Variants in PRCD observed in about 807,000 individuals in gnomAD.
The protein encoded by PRCD is photoreceptor disk component PRCD.
In PRCD, 12 loss-of-function variants were observed where a neutral mutation model predicts 10.1. The ratio of observed to expected loss-of-function variants is 1.18; its 90% CI spans 0.76 to 1.92. The LOEUF is 1.92. Ranked by LOEUF, PRCD falls within the 40% of genes most tolerant of loss-of-function variation. The pLI is 0.00. For synonymous variants in PRCD, 31 were observed against 26.2 expected, an observed-to-expected ratio of 1.18 and a Z score of -0.56; for missense variants, 61 against 72.2, an observed-to-expected ratio of 0.84 and a Z score of 0.56.
At chr17:76,534,122 C>T (rs138925195) in intron 1 of PRCD, among the ~76,000 whole-genome samples, 1,743 of 147,416 alleles carry the variant, frequency 0.012, 45 homozygotes, top group African/African-American at 0.04. Context: ...TTCTTTCTTT[C>T]TTTCTTTCTC....
chr17:76,542,802 GC>G (rs2075007571), intron 3 of PRCD, among the ~76,000 whole-genome samples, 169 bp downstream of exon 3: 1 of 152,238 alleles, frequency 6.6e-6, no homozygotes, highest in African/African-American at 2.4e-5. Flanking sequence ...GCTACCTTGA[GC>G]CTGTTGTGGT....
At chr17:76,529,903 T>C (rs899750377) in intron 1 of PRCD, 1 of 985,168 alleles carries the variant, frequency 1.0e-6, no homozygotes, top group Non-Finnish European at 1.2e-6. Context: ...GGGGTGGTGC[T>C]GACGGGAGAG....
upstream of PRCD, among the ~76,000 whole-genome samples, chr17:76,535,626 C>T (rs1429965282): frequency 2.0e-5 from 3 of 152,132 alleles, no homozygotes; most frequent in Non-Finnish European, 4.4e-5. Context: ...GTAATGACCT[C>T]CCCCAGCCCA....
intron 1 of PRCD, chr17:76,532,190 C>G (rs1379891124): frequency 6.3e-6 from 1 of 159,638 alleles, no homozygotes; most frequent in East Asian, 1.8e-4. Context: ...ACCGGGCATT[C>G]CAGACTTCTG....
chr17:76,531,913 C>T lies in PRCD; in HGVS notation n.45+4080C>T. 1 of 490,632 alleles carries T rather than the reference C, an allele frequency of 2.0e-6. No individual in the cohort carries two copies. Among genetic ancestry groups the T allele is most frequent in the Non-Finnish European group, 3.7e-6 (1 of 272,744 alleles). The allele number at this position is 490,632 out of a possible 1,614,324, so 30.4% of individuals were successfully genotyped here. Reference sequence around the variant, plus strand: ...TGGCCATGTCTATCTGCCAGGCTTGCTCAGGCTGGCGGCTTCATCTCCTAG... The same window carrying T: ...TGGCCATGTCTATCTGCCAGGCTTGTTCAGGCTGGCGGCTTCATCTCCTAG... On this transcript the variant is annotated intron_variant and non_coding_transcript_variant, in intron 1 of 4. Transcript: ENST00000397633. The surrounding 1 kb of genome is among the most constrained non-coding windows in gnomAD (Gnocchi z 7.4).
upstream of PRCD, among the ~76,000 whole-genome samples, chr17:76,536,464 A>G (rs191109102): frequency 3.2e-4 from 49 of 152,264 alleles, 1 homozygote; most frequent in African/African-American, 1.2e-3. Flanking sequence ...GAGGGTGAGC[A>G]TGGTCTGGGG....
chr17:76,548,840 A>G (rs1295768429), downstream of PRCD, among the ~76,000 whole-genome samples: 1 of 152,236 alleles, frequency 6.6e-6, no homozygotes. Flanking sequence ...AGCAGCAGAC[A>G]CTTGACAACA....
At position 76,530,318 on chromosome 17, in the gene PRCD, C is replaced by T. The variant is rs572540249; in HGVS notation, n.45+2485C>T. Among the ~76,000 whole-genome samples the T allele has an allele frequency of 9.2e-5, 14 of 152,116 alleles. No homozygotes were observed. Among genetic ancestry groups the T allele is most frequent in the African/African-American group, 2.2e-4 (9 of 41,418 alleles). ...CATCTGGGGGCTAGCCCTCCCCTCA[C>T]GCTCCGAGTCAGCAGGAGTCACAGA... On this transcript the variant is annotated intron_variant and non_coding_transcript_variant, in intron 1 of 4. Transcript: ENST00000397633. The surrounding 1 kb of genome is among the most constrained non-coding windows in gnomAD (Gnocchi z 6.1).
chr17:76,540,777 G>T lies in PRCD; in HGVS notation c.143+204G>T, dbSNP rs931637342. Among the ~76,000 whole-genome samples the T allele has an allele frequency of 6.6e-6, 1 of 152,196 alleles. No homozygotes were observed. The highest frequency in any genetic ancestry group is 1.5e-5 in the Non-Finnish European group (1 of 68,030). On this transcript the variant is annotated intron_variant, in intron 2 of 4. Coordinates refer to ENST00000592014, the MANE Select transcript of PRCD (RefSeq NM_001077620.3). The surrounding 1 kb of genome is among the most constrained non-coding windows in gnomAD (Gnocchi z 5.0). ...GGTTGGGAATGGGAACCCTCAGCTC[G>T]CTCCTCTGGACCAAAGCCGCTGTGC...
upstream of PRCD, among the ~76,000 whole-genome samples, chr17:76,536,588 G>A (rs2074916587): frequency 6.6e-6 from 1 of 152,156 alleles, no homozygotes; most frequent in Admixed American, 6.5e-5. Context: ...TAAGGATGGT[G>A]TGTGTGCTCT....
At position 76,540,306 on chromosome 17, in the gene PRCD, GCGTGAA is replaced by G. The variant is rs2074975473; in HGVS notation, c.74+93_74+98del. The stretch of plus-strand genomic sequence containing the variant: ...ACCAAGCTGAAGGTGGGCAGGGGCT[GCGTGAA>G]CCTTCAGCGGGGCTGGGAGGGCATT... On this transcript the variant is annotated intron_variant, in intron 1 of 4. Transcript: ENST00000592014. This position sits in a 1 kb window ranked among gnomAD's most constrained non-coding sequence, Gnocchi z 5.0. 7.0e-6 allele frequency: 10 copies of G among 1,423,518 alleles called. 1 individual carries two copies. In the South Asian group the frequency reaches 1.2e-4, roughly 17 times the overall value. The allele number at this position is 1,423,518 out of a possible 1,614,324, so 88.2% of individuals were successfully genotyped here. A position where few individuals can be genotyped will look rare whatever the true frequency, so the allele number is the denominator to read the frequency against.
chr17:76,549,555 A>C (rs1399020070), downstream of PRCD, among the ~76,000 whole-genome samples: 4 of 152,236 alleles, frequency 2.6e-5, no homozygotes, highest in Admixed American at 2.6e-4. Context: ...TTGGGAAACC[A>C]GCATGGTGGT....
At position 76,543,949 on chromosome 17, in the gene PRCD, G is replaced by A. The variant is rs910878066; in HGVS notation, c.*299G>A. 11 of 468,554 alleles carry A rather than the reference G, an allele frequency of 2.3e-5. No homozygotes were observed. Among genetic ancestry groups the A allele is most frequent in the East Asian group, 1.4e-4 (2 of 14,410 alleles). The allele number at this position is 468,554 out of a possible 1,614,324, so 29.0% of individuals were successfully genotyped here. ...GTGTTTTCTGTATGTGTGCAAGCGC[G>A]TGTGTTCCAAACGGGCAGTAGCGTG... On this transcript the variant is annotated 3_prime_UTR_variant, in exon 5 of 5. Coordinates refer to ENST00000592014, the MANE Select transcript of PRCD (RefSeq NM_001077620.3).
downstream of PRCD, chr17:76,545,563 G>A (rs755123434): frequency 2.9e-6 from 1 of 349,050 alleles, no homozygotes; most frequent in Non-Finnish European, 5.7e-6. Context: ...AAGAGTCCAA[G>A]AGCAAGGTGT....
chr17:76,540,905 T>C lies in PRCD; in HGVS notation c.143+332T>C, dbSNP rs1257459872. Reference sequence around the variant, plus strand: ...CAGGAGTAGCTCTGTGTGGCTTTGCTCGCCTTTCCTTGCCCTTCCCCCTCC... The same window carrying C: ...CAGGAGTAGCTCTGTGTGGCTTTGCCCGCCTTTCCTTGCCCTTCCCCCTCC... On this transcript the variant is annotated intron_variant, in intron 2 of 4. Coordinates refer to ENST00000592014, the MANE Select transcript of PRCD (RefSeq NM_001077620.3). The surrounding 1 kb of genome is among the most constrained non-coding windows in gnomAD (Gnocchi z 5.0). Among the ~76,000 whole-genome samples the C allele has an allele frequency of 2.0e-5, 3 of 152,316 alleles. No homozygotes were observed. Among genetic ancestry groups the C allele is most frequent in the Admixed American group, 1.3e-4 (2 of 15,306 alleles).
chr17:76,538,548 G>A (rs894281757), upstream of PRCD: 5 of 463,720 alleles, frequency 1.1e-5, no homozygotes, highest in African/African-American at 1.0e-4. Context: ...CCCAGCTGGT[G>A]GCGGAGGAAG....
Position 76,540,691 on chromosome 17 carries a change from C to T in PRCD, c.143+118C>T. On this transcript the variant is annotated intron_variant, in intron 2 of 4. Transcript: ENST00000592014. This position sits in a 1 kb window ranked among gnomAD's most constrained non-coding sequence, Gnocchi z 5.0. ...CCTGTGCGTGCACCGTATCCTGGCC[C>T]TTGCCCTAAGCACCCTGCTCCCTGT... 1 of 1,034,786 alleles carries T rather than the reference C, an allele frequency of 9.7e-7. No homozygotes were observed. The highest frequency in any genetic ancestry group is 1.5e-6 in the Non-Finnish European group (1 of 676,766). 64.1% of individuals were successfully genotyped at this position (1,034,786 alleles called of 1,614,324 possible).
At chr17:76,534,146 T>TTCTCTTTCTCTCTCTCTCTC in intron 1 of PRCD, among the ~76,000 whole-genome samples, 1 of 129,016 alleles carries the variant, frequency 7.8e-6, no homozygotes, top group East Asian at 2.2e-4. Flanking sequence ...CTCTTTCTCT[T>TTCTCTTTCTCTCTCTCTCTC]TCTCTCTCTC....
chr17:76,529,266 A>T, intron 1 of PRCD: 3 of 985,326 alleles, frequency 3.0e-6, no homozygotes, highest in Non-Finnish European at 3.6e-6. Context: ...GGTGGGCTAG[A>T]GGGTGTAAAG....
Sources: gnomAD v4.1 joint callset for allele counts (sites outside exome capture counted in the v4.1 genomes callset) on GRCh38, gnomAD v4.1.1 for gene constraint, Gnocchi (gnomAD v3.1) non-coding constraint, MANE v1.5 for transcripts, NCBI Gene and HGNC (gene_info 2026-07-23, HGNC 2026-07-21) for gene names.